The following CMSS1 variants were observed in gnomAD, a reference collection of about 807,000 sequenced individuals.
CMSS1 encodes the protein protein CMSS1.
In CMSS1, 33 loss-of-function variants were observed where a neutral mutation model predicts 43.5. The observed-to-expected ratio is 0.76, with a 90% CI of 0.57 to 1.01. CMSS1 has a LOEUF of 1.01. Among genes scored for constraint, CMSS1 ranks in the 50% least tolerant of loss-of-function variants. The pLI is 0.00. For missense variants in CMSS1, 313 were observed against 326.4 expected, an observed-to-expected ratio of 0.96 and a Z score of 0.32; for synonymous variants, 115 against 117.2, an observed-to-expected ratio of 0.98 and a Z score of 0.12.
chr3:99,937,365 GT>G (rs1399429014), intron 1 of CMSS1, among the ~76,000 whole-genome samples: 1 of 152,140 alleles, frequency 6.6e-6, no homozygotes, highest in African/African-American at 2.4e-5. Flanking sequence ...AAGATGTTCT[GT>G]TTTCATATAT....
chr3:99,948,694 G>T (rs1057086144), intron 1 of CMSS1, among the ~76,000 whole-genome samples: 6 of 148,250 alleles, frequency 4.0e-5, no homozygotes, highest in African/African-American at 1.5e-4. Flanking sequence ...GAGGAGAAAG[G>T]AGAGAGAAAG....
At chr3:99,835,965 A>G (rs1343797222) in intron 1 of CMSS1, among the ~76,000 whole-genome samples, 1 of 152,148 alleles carries the variant, frequency 6.6e-6, no homozygotes, top group African/African-American at 2.4e-5. Context: ...GTGGGAGGAT[A>G]GTTAGTATGG....
intron 6 of CMSS1, among the ~76,000 whole-genome samples, chr3:100,171,433 C>G (rs72936589): frequency 0.023 from 3,451 of 151,994 alleles, 135 homozygotes; most frequent in African/African-American, 0.078. Flanking sequence ...CCACAGAGAA[C>G]GAGCTGACAT....
intron 1 of CMSS1, chr3:100,113,984 C>T (rs2066532141): frequency 6.6e-6 from 1 of 152,194 alleles, no homozygotes; most frequent in Non-Finnish European, 1.5e-5. Flanking sequence ...GTTGGCCGCT[C>T]CTAGCTGGTG....
intron 1 of CMSS1, among the ~76,000 whole-genome samples, chr3:100,026,074 G>A (rs2064915017): frequency 6.6e-6 from 1 of 152,182 alleles, no homozygotes; most frequent in Admixed American, 6.5e-5. Context: ...TGTGAAAGAG[G>A]AGTTTTTTTC....
chr3:100,042,635 G>A (rs1031944068), intron 1 of CMSS1, among the ~76,000 whole-genome samples: 5 of 152,176 alleles, frequency 3.3e-5, no homozygotes, highest in African/African-American at 4.8e-5. Flanking sequence ...CATGCCAGAT[G>A]ATACTGTATT....
At chr3:100,066,988 T>TCC (rs2065676643) in intron 1 of CMSS1, among the ~76,000 whole-genome samples, 1 of 152,202 alleles carries the variant, frequency 6.6e-6, no homozygotes, top group Non-Finnish European at 1.5e-5. Context: ...AAAATGTGTG[T>TCC]CCCATACACA....
At chr3:99,835,192 G>A (rs1184155479) in intron 1 of CMSS1, among the ~76,000 whole-genome samples, 1 of 152,180 alleles carries the variant, frequency 6.6e-6, no homozygotes, top group Admixed American at 6.5e-5. Flanking sequence ...TGAATAAGCA[G>A]CACTGATTCC....
At chr3:100,071,304 A>G (rs1017685060) in intron 1 of CMSS1, among the ~76,000 whole-genome samples, 6 of 152,168 alleles carry the variant, frequency 3.9e-5, no homozygotes, top group African/African-American at 1.4e-4. Context: ...AGAAACTTGT[A>G]CATCAAGAAG....
intron 4 of CMSS1, among the ~76,000 whole-genome samples, chr3:100,163,259 A>G (rs1460933398): frequency 6.6e-6 from 1 of 152,256 alleles, no homozygotes; most frequent in Non-Finnish European, 1.5e-5. Context: ...CTCAACTATT[A>G]TAGACAAGAA....
chr3:100,169,375 C>T (rs186070217), intron 6 of CMSS1, among the ~76,000 whole-genome samples: 17 of 152,330 alleles, frequency 1.1e-4, no homozygotes, highest in African/African-American at 3.8e-4. Flanking sequence ...CTAGGACCAG[C>T]TCTCTCTGAG....
rs1238225925 is a variant in CMSS1 at position 99,931,172 on chromosome 3, A to G, written c.64+113129A>G. On this transcript the variant is annotated intron_variant, in intron 1 of 9. Coordinates refer to ENST00000421999, the MANE Select transcript of CMSS1 (RefSeq NM_032359.4). The stretch of plus-strand genomic sequence containing the variant: ...ATCTTTTTGATGTCTACAGCAGAGA[A>G]GGATATTAGCAGATTCATAAATCAC... 4.5e-5 allele frequency: 30 copies of G among 669,914 alleles called. No individual in the cohort carries two copies. The South Asian group carries it at 4.7e-4, about 10-fold the overall frequency. The allele number at this position is 669,914 out of a possible 1,614,324, so 41.5% of individuals were successfully genotyped here. A position where few individuals can be genotyped will look rare whatever the true frequency, so the allele number is the denominator to read the frequency against.
At chr3:99,823,078 A>G (rs1300593844) in intron 1 of CMSS1, among the ~76,000 whole-genome samples, 2 of 152,214 alleles carry the variant, frequency 1.3e-5, no homozygotes, top group African/African-American at 4.8e-5. Context: ...TCTCATCTCT[A>G]AAGGAATAAT....
intron 1 of CMSS1, among the ~76,000 whole-genome samples, chr3:100,042,085 A>T (rs1438850494): frequency 6.6e-6 from 1 of 152,134 alleles, no homozygotes; most frequent in African/African-American, 2.4e-5. Context: ...ATCCATCCCT[A>T]AAACATTGTC....
intron 1 of CMSS1, among the ~76,000 whole-genome samples, chr3:99,938,036 C>CA (rs1329960035): frequency 6.7e-6 from 1 of 150,178 alleles, no homozygotes; most frequent in South Asian, 2.1e-4. Context: ...CTGGTGCCTG[C>CA]AAAAGGCTCA....
chr3:100,039,980 C>G (rs2065176579), intron 1 of CMSS1: 2 of 152,194 alleles, frequency 1.3e-5, no homozygotes, highest in African/African-American at 4.8e-5. Flanking sequence ...GTCTCGATCT[C>G]TTGACCTCAT....
chr3:99,975,558 C>T (rs1401465872), intron 1 of CMSS1, among the ~76,000 whole-genome samples: 1 of 151,648 alleles, frequency 6.6e-6, no homozygotes, highest in African/African-American at 2.4e-5. Context: ...CACCATTGCA[C>T]TCCAGCCTGC....
chr3:99,995,837 G>C (rs1416382631), intron 1 of CMSS1, among the ~76,000 whole-genome samples: 1 of 152,180 alleles, frequency 6.6e-6, no homozygotes, highest in African/African-American at 2.4e-5. Flanking sequence ...GGGACACAGG[G>C]CACCAAGTCC....
At chr3:99,835,275 TTGTC>T (rs1303114883) in intron 1 of CMSS1, among the ~76,000 whole-genome samples, 2 of 152,242 alleles carry the variant, frequency 1.3e-5, no homozygotes, top group African/African-American at 4.8e-5. Flanking sequence ...TTATGCTACT[TTGTC>T]TGGTCCTTGT....
Sources: gnomAD v4.1 joint callset for allele counts (sites outside exome capture counted in the v4.1 genomes callset) on GRCh38, gnomAD v4.1.1 for gene constraint, MANE v1.5 for transcripts, NCBI Gene and HGNC (gene_info 2026-07-23, HGNC 2026-07-21) for gene names.